The following TCEA1 variants were observed in gnomAD, a reference collection of about 807,000 sequenced individuals.
TCEA1 encodes the protein transcription elongation factor A1, also known as transcription elongation factor A protein 1.
Under a neutral mutation model 43.8 loss-of-function variants are expected in TCEA1, and 21 were observed. The ratio of observed to expected loss-of-function variants is 0.48; its 90% CI spans 0.34 to 0.69. TCEA1 has a LOEUF of 0.69. Among genes scored for constraint, TCEA1 ranks in the 30% least tolerant of loss-of-function variants. TCEA1 has a pLI of 0.01. For missense variants in TCEA1, 250 were observed against 365.1 expected (o/e 0.68, Z 2.57); for synonymous variants, 104 against 117.5 (o/e 0.88, Z 0.75).
intron 8 of TCEA1, chr8:53,973,091 C>G (rs978602088): frequency 6.1e-6 from 4 of 655,210 alleles, no homozygotes; most frequent in South Asian, 1.4e-5. Context: ...CTTCCTCTAG[C>G]GAAAATGAAG....
At chr8:53,969,283 C>T (rs1803084337) in intron 9 of TCEA1, among the ~76,000 whole-genome samples, 1 of 152,118 alleles carries the variant, frequency 6.6e-6, no homozygotes, top group South Asian at 2.1e-4. Flanking sequence ...CAGTGAGGAT[C>T]TATCTCAAAA....
chr8:53,970,364 T>TA, intron 9 of TCEA1, 28 bp downstream of exon 9: 2 of 1,466,056 alleles, frequency 1.4e-6, no homozygotes, highest in Non-Finnish European at 1.9e-6. Flanking sequence ...TAAGTGAGTA[T>TA]ATAATATGAA....
In TCEA1 at chr8:53,996,903, CTT is replaced by C. The variant is rs754537318; in HGVS notation, c.232+3040_232+3041del. ...AGCTAAGGGGTAAAAAGAAGGTTGT[CTT>C]TTTTTTTTTTTTTAGACAGACTCTC... On this transcript the variant is annotated intron_variant, in intron 3 of 9. Coordinates refer to ENST00000521604, the MANE Select transcript of TCEA1 (RefSeq NM_006756.4). Among the ~76,000 whole-genome samples, 425 of 116,522 alleles carry C rather than the reference CTT, an allele frequency of 3.6e-3. 14 individuals are homozygous for C. The highest frequency in any genetic ancestry group is 9.4e-3 in the South Asian group (31 of 3,302). The allele number at this position is 116,522 out of a possible 152,430, so 76.4% of individuals were successfully genotyped here. A position where few individuals can be genotyped will look rare whatever the true frequency, so the allele number is the denominator to read the frequency against.
chr8:54,001,345 TC>T (rs1364709999), intron 2 of TCEA1, among the ~76,000 whole-genome samples: 6 of 152,208 alleles, frequency 3.9e-5, no homozygotes, highest in African/African-American at 1.4e-4. Context: ...ACTTGAGGTT[TC>T]CTTCTAAATT....
intron 1 of TCEA1, among the ~76,000 whole-genome samples, chr8:54,019,697 G>A (rs2129315665): frequency 6.6e-6 from 1 of 152,128 alleles, no homozygotes; most frequent in Admixed American, 6.5e-5. Flanking sequence ...AACACATTTT[G>A]TTGAATTACT....
chr8:54,005,217 C>G (rs1270003495), intron 2 of TCEA1, among the ~76,000 whole-genome samples: 1 of 152,194 alleles, frequency 6.6e-6, no homozygotes, highest in African/African-American at 2.4e-5. Flanking sequence ...CTCTTATATT[C>G]TAGAGCTGTT....
intron 2 of TCEA1, 41 bp downstream of exon 2, chr8:54,010,389 G>C: frequency 6.8e-7 from 1 of 1,474,950 alleles, no homozygotes; most frequent in Non-Finnish European, 9.3e-7. Flanking sequence ...ATTTTATGAC[G>C]ACTACCTATT....
At chr8:54,020,491 G>A (rs1418578710) in intron 1 of TCEA1, among the ~76,000 whole-genome samples, 1 of 152,222 alleles carries the variant, frequency 6.6e-6, no homozygotes, top group African/African-American at 2.4e-5. Flanking sequence ...AAAGGAAAAA[G>A]GGGAACAGAG....
intron 9 of TCEA1, chr8:53,970,179 C>T: frequency 1.7e-6 from 1 of 571,984 alleles, no homozygotes; most frequent in South Asian, 2.2e-5. Context: ...TGCACCAAAA[C>T]AAATAAAGGT....
chr8:53,975,501 C>G (rs1365076252), intron 8 of TCEA1, among the ~76,000 whole-genome samples: 1 of 152,044 alleles, frequency 6.6e-6, no homozygotes, highest in African/African-American at 2.4e-5. Context: ...AAGTGTCCAT[C>G]AACAGATGAA....
chr8:53,979,008 T>C lies in TCEA1; in HGVS notation c.825+17A>G, dbSNP rs1026861475. On this transcript the variant is annotated intron_variant, in intron 8 of 9. Transcript: ENST00000521604. ...GCATTTTTATATAAAAATAAGAATC[T>C]ATAAACAATCACAAACCTGTGTGTA... The C allele has an allele frequency of 8.2e-6, 13 of 1,592,328 alleles. No individual in the cohort carries two copies. The highest frequency in any genetic ancestry group is 1.1e-5 in the Non-Finnish European group (13 of 1,167,650).
At chr8:53,984,881 T>TAA (rs998835523) in intron 6 of TCEA1, among the ~76,000 whole-genome samples, 1 of 144,036 alleles carries the variant, frequency 6.9e-6, no homozygotes, top group African/African-American at 2.5e-5. Flanking sequence ...CACTCCATCT[T>TAA]AAAAAAAAAA....
intron 3 of TCEA1, among the ~76,000 whole-genome samples, chr8:53,996,248 C>T (rs754216498): frequency 7.9e-5 from 12 of 152,238 alleles, no homozygotes; most frequent in African/African-American, 2.2e-4. Flanking sequence ...CTATCTGATA[C>T]GGTGTTGTGG....
intron 8 of TCEA1, chr8:53,973,413 G>A (rs1208364765): frequency 6.0e-6 from 3 of 501,830 alleles, no homozygotes; most frequent in Non-Finnish European, 1.1e-5. Context: ...TGCTAAAGAG[G>A]CCAGTGAAAA....
intron 1 of TCEA1, among the ~76,000 whole-genome samples, chr8:54,010,838 T>C (rs535552749): frequency 2.2e-4 from 34 of 151,680 alleles, no homozygotes; most frequent in Non-Finnish European, 4.4e-4. Flanking sequence ...TAAGACAGAG[T>C]CTCACTCTGT....
At chr8:53,987,232 A>G (rs1412522812) in intron 5 of TCEA1, among the ~76,000 whole-genome samples, 1 of 152,222 alleles carries the variant, frequency 6.6e-6, no homozygotes, top group African/African-American at 2.4e-5. Context: ...GTGCTCCTGC[A>G]CTGATGATTC....
At position 54,010,532 on chromosome 8, in the gene TCEA1, G is replaced by T. The variant is rs1338323772; in HGVS notation, c.64-40C>A. On this transcript the variant is annotated intron_variant, in intron 1 of 9. Transcript: ENST00000521604. ...AATTTCATATTGAATTCCCAAGATG[G>T]TAAAACAGGGACTAGCCAGAAATAA... 4 of 1,478,712 alleles carry T rather than the reference G, an allele frequency of 2.7e-6. No individual in the cohort carries two copies. The East Asian group carries it at 9.6e-5, about 36-fold the overall frequency. 91.6% of individuals were successfully genotyped at this position (1,478,712 alleles called of 1,614,324 possible).
At chr8:54,001,825 T>G (rs1415506373) in intron 2 of TCEA1, among the ~76,000 whole-genome samples, 1 of 151,980 alleles carries the variant, frequency 6.6e-6, no homozygotes, top group African/African-American at 2.4e-5. Context: ...AACATGCTTA[T>G]CTATGGAAGA....
intron 3 of TCEA1, among the ~76,000 whole-genome samples, chr8:53,998,233 C>G (rs901856651): frequency 6.6e-6 from 1 of 152,190 alleles, no homozygotes. Context: ...TGAATAAGGT[C>G]TGTAGACTGT....
Sources: gnomAD v4.1 joint callset for allele counts (sites outside exome capture counted in the v4.1 genomes callset) on GRCh38, gnomAD v4.1.1 for gene constraint, MANE v1.5 for transcripts, NCBI Gene and HGNC (gene_info 2026-07-23, HGNC 2026-07-21) for gene names.